HPCAL1: variants seen among roughly 807,000 people sequenced by gnomAD.
HPCAL1 encodes hippocalcin like 1.
Under a neutral mutation model 17.1 loss-of-function variants are expected in HPCAL1, and 8 were observed. The ratio of observed to expected loss-of-function variants is 0.47; its 90% CI spans 0.27 to 0.84. The LOEUF (loss-of-function observed/expected upper bound fraction) is 0.84, where lower values mean the gene tolerates loss of function less well. Among genes scored for constraint, HPCAL1 ranks in the 40% least tolerant of loss-of-function variants. The pLI, the probability that HPCAL1 is intolerant of heterozygous loss-of-function variation, is 0.13. For synonymous variants in HPCAL1, 112 were observed against 111.4 expected, an observed-to-expected ratio of 1.01 and a Z score of -0.03; for missense variants, 165 against 271.1, an observed-to-expected ratio of 0.61 and a Z score of 2.75.
At chr2:10,337,746 C>A (rs1183051454) in intron 1 of HPCAL1, among the ~76,000 whole-genome samples, 1 of 152,208 alleles carries the variant, frequency 6.6e-6, no homozygotes, top group African/African-American at 2.4e-5. Flanking sequence ...CCCCCAGCCC[C>A]TTCCTTCCCA....
At chr2:10,319,233 C>T (rs1446324757) in intron 1 of HPCAL1, among the ~76,000 whole-genome samples, 1 of 152,180 alleles carries the variant, frequency 6.6e-6, no homozygotes, top group African/African-American at 2.4e-5. Context: ...TTTTCCATCC[C>T]CCAGTCTGGA....
At chr2:10,358,685 C>T (rs1666338304) in intron 1 of HPCAL1, among the ~76,000 whole-genome samples, 1 of 152,120 alleles carries the variant, frequency 6.6e-6, no homozygotes. Flanking sequence ...AGGCCACTGA[C>T]CAGCAGAATG....
chr2:10,369,858 G>T (rs1667100377), intron 1 of HPCAL1, among the ~76,000 whole-genome samples: 1 of 152,176 alleles, frequency 6.6e-6, no homozygotes, highest in African/African-American at 2.4e-5. Flanking sequence ...AAAGGAAAAG[G>T]CTCTGGCCTC....
intron 1 of HPCAL1, among the ~76,000 whole-genome samples, chr2:10,374,593 C>A (rs778090384): frequency 6.6e-6 from 1 of 152,254 alleles, no homozygotes; most frequent in South Asian, 2.1e-4. Context: ...GCGGTGGAAC[C>A]AGACCTTGCC....
At chr2:10,397,365 G>A (rs376408795) in intron 2 of HPCAL1, among the ~76,000 whole-genome samples, 2 of 152,258 alleles carry the variant, frequency 1.3e-5, no homozygotes, top group South Asian at 4.1e-4. Flanking sequence ...CCAGGCTCCT[G>A]TGCATGGTCA....
rs370015216 is a variant in HPCAL1 at position 10,339,628 on chromosome 2, C to T, written c.-111+36451C>T. On this transcript the variant is annotated intron_variant, in intron 1 of 4. Coordinates refer to ENST00000307845, the MANE Select transcript of HPCAL1 (RefSeq NM_002149.4). Reference sequence around the variant, plus strand: ...CCTCCCAAAGTGTTGGGATTACAGGCGTGAGCCACCGCGCCCAGCCATATT... The same window carrying T: ...CCTCCCAAAGTGTTGGGATTACAGGTGTGAGCCACCGCGCCCAGCCATATT... 8.5e-5 allele frequency among the ~76,000 whole-genome samples: 13 copies of T among 152,278 alleles called. No homozygotes were observed. The East Asian group carries it at 1.9e-3, about 23-fold the overall frequency.
chr2:10,389,474 C>T (rs934129040), intron 1 of HPCAL1, among the ~76,000 whole-genome samples: 2 of 152,226 alleles, frequency 1.3e-5, no homozygotes, highest in African/African-American at 2.4e-5. Flanking sequence ...CTCACCTGCC[C>T]TGCAAGATCA....
At chr2:10,338,203 AGGG>A (rs35007562) in intron 1 of HPCAL1, among the ~76,000 whole-genome samples, 1 of 152,086 alleles carries the variant, frequency 6.6e-6, no homozygotes, top group East Asian at 1.9e-4. Context: ...GCGACTCCTA[AGGG>A]GCACGGGGTT....
chr2:10,423,257 G>T, intron 4 of HPCAL1, 169 bp downstream of exon 4: 2 of 635,952 alleles, frequency 3.1e-6, no homozygotes, highest in Non-Finnish European at 5.8e-6. Context: ...TGCAGTCAGG[G>T]ACACCCGTGC....
rs1162717342 is a variant in HPCAL1 at position 10,394,088 on chromosome 2, C to T, written c.-110-2747C>T. On this transcript the variant is annotated intron_variant, in intron 1 of 4. Transcript: ENST00000307845. This position sits in a 1 kb window ranked among gnomAD's most constrained non-coding sequence, Gnocchi z 5.0. The stretch of plus-strand genomic sequence containing the variant: ...TTTGATTGTGCCACTGCGCTCCAGC[C>T]TGGGTGACAGAGCGAGATCCTGTCT... Among the ~76,000 whole-genome samples the T allele has an allele frequency of 6.6e-6, 1 of 151,956 alleles. No homozygotes were observed. The highest frequency in any genetic ancestry group is 1.5e-5 in the Non-Finnish European group (1 of 68,018).
intron 2 of HPCAL1, among the ~76,000 whole-genome samples, chr2:10,401,556 C>A (rs936524575): frequency 6.6e-6 from 1 of 151,994 alleles, no homozygotes; most frequent in Non-Finnish European, 1.5e-5. Context: ...ATTCCAAGGC[C>A]GGATCTGCAG....
At chr2:10,403,210 C>A (rs1228658184) in intron 2 of HPCAL1, among the ~76,000 whole-genome samples, 1 of 152,098 alleles carries the variant, frequency 6.6e-6, no homozygotes, top group Non-Finnish European at 1.5e-5. Flanking sequence ...CTTTGGAAGC[C>A]TCCTCTGGGG....
At position 10,426,834 on chromosome 2, in the gene HPCAL1, T is replaced by C. The variant is rs770846539; in HGVS notation, c.*13T>C. 9 of 1,607,140 alleles carry C rather than the reference T, an allele frequency of 5.6e-6. No individual in the cohort carries two copies. The highest frequency in any genetic ancestry group is 7.7e-6 in the Non-Finnish European group (9 of 1,174,628). ...CAGTCAGTTCTGAGCGAGCGGCCCC[T>C]GGACAGTTGCAGAGAAACACAGGCT... On this transcript the variant is annotated 3_prime_UTR_variant, in exon 5 of 5. Transcript: ENST00000307845.
At chr2:10,422,077 G>A (rs1387405320) in intron 3 of HPCAL1, among the ~76,000 whole-genome samples, 1 of 152,160 alleles carries the variant, frequency 6.6e-6, no homozygotes, top group East Asian at 1.9e-4. Flanking sequence ...TCAAGGCACT[G>A]GTAGAACTGT....
At chr2:10,333,214 T>C (rs1664498703) in intron 1 of HPCAL1, among the ~76,000 whole-genome samples, 1 of 152,224 alleles carries the variant, frequency 6.6e-6, no homozygotes, top group Non-Finnish European at 1.5e-5. Flanking sequence ...ATAAAACTAA[T>C]GCATTTTCAC....
chr2:10,371,452 A>C (rs918703798), intron 1 of HPCAL1, among the ~76,000 whole-genome samples: 1 of 151,618 alleles, frequency 6.6e-6, no homozygotes, highest in African/African-American at 2.4e-5. Context: ...ATGGTCTCTG[A>C]CTGGATAGCC....
chr2:10,393,887 G>A (rs1668850141), intron 1 of HPCAL1, among the ~76,000 whole-genome samples: 1 of 151,748 alleles, frequency 6.6e-6, no homozygotes, highest in African/African-American at 2.4e-5. Context: ...GGCCAAGGCA[G>A]GCAGATGGCT....
At position 10,419,635 on chromosome 2, in the gene HPCAL1, C is replaced by A; in HGVS notation, c.-24-99C>A. ...GGACCCGGGAGTTGCTGAGTCGCAG[C>A]GCTTGCACAGCGATGGGCTTATTTG... is the stretch of plus-strand genomic sequence containing the variant. On this transcript the variant is annotated intron_variant, in intron 2 of 4. Transcript: ENST00000307845. The surrounding 1 kb of genome is among the most constrained non-coding windows in gnomAD (Gnocchi z 5.0). The A allele has an allele frequency of 8.4e-7, 1 of 1,196,912 alleles. No individual in the cohort carries two copies. The highest frequency in any genetic ancestry group is 1.1e-6 in the Non-Finnish European group (1 of 875,234). The allele number at this position is 1,196,912 out of a possible 1,614,324, so 74.1% of individuals were successfully genotyped here.
intron 2 of HPCAL1, among the ~76,000 whole-genome samples, chr2:10,410,864 G>C (rs1352519631): frequency 1.3e-5 from 2 of 152,170 alleles, no homozygotes; most frequent in African/African-American, 4.8e-5. Context: ...AGACAGCCAA[G>C]CACCAATAAG....
Sources: allele counts gnomAD v4.1 joint callset (sites outside exome capture counted in the v4.1 genomes callset), GRCh38; gene constraint gnomAD v4.1.1; non-coding constraint Gnocchi (gnomAD v3.1); transcripts MANE v1.5; gene names NCBI Gene and HGNC (gene_info 2026-07-23, HGNC 2026-07-21).